The following CRIM1 variants were observed in gnomAD, a reference collection of about 807,000 sequenced individuals.
CRIM1 encodes the protein cysteine-rich motor neuron 1 protein.
A neutral mutation model predicts 116.4 loss-of-function variants in CRIM1; 32 were observed. The observed-to-expected ratio is 0.27, with a 90% CI of 0.21 to 0.37. The LOEUF is 0.37. CRIM1 is among the 10% of genes least tolerant of loss of function. CRIM1 has a pLI of 1.00. For missense variants in CRIM1, 1,331 were observed against 1,354.8 expected (o/e 0.98, Z 0.28); for synonymous variants, 590 against 509.2 (o/e 1.16, Z -2.13).
intron 2 of CRIM1, among the ~76,000 whole-genome samples, chr2:36,433,298 C>G (rs1675040960): frequency 6.6e-6 from 1 of 152,196 alleles, no homozygotes; most frequent in African/African-American, 2.4e-5. Context: ...AATCTCTAAT[C>G]TAAAGCATCA....
intron 5 of CRIM1, among the ~76,000 whole-genome samples, chr2:36,474,411 A>T (rs1047947896): frequency 1.3e-5 from 2 of 152,188 alleles, no homozygotes; most frequent in Non-Finnish European, 2.9e-5. Flanking sequence ...GGCCACAAAG[A>T]TTAACTCTTA....
rs979651201 is a variant in CRIM1 at position 36,549,322 on chromosome 2, T to C, written c.*621T>C. ...CAGTGAGGAAGCCAGAGAAATGCGA[T>C]AGCGGCATTTCTCTAAAGCGGGTTA... On this transcript the variant is annotated 3_prime_UTR_variant, in exon 17 of 17. Transcript: ENST00000280527. 6.5e-6 allele frequency: 1 copy of C among 152,680 alleles called. No individual in the cohort carries two copies. Among genetic ancestry groups the C allele is most frequent in the Non-Finnish European group, 1.5e-5 (1 of 68,060 alleles). 9.5% of individuals were successfully genotyped at this position (152,680 alleles called of 1,614,324 possible).
chr2:36,503,453 G>A (rs1006375120), intron 8 of CRIM1, among the ~76,000 whole-genome samples: 4 of 152,152 alleles, frequency 2.6e-5, no homozygotes, highest in Non-Finnish European at 5.9e-5. Flanking sequence ...TATGGCCGTT[G>A]CTTACTCTGC....
chr2:36,488,914 T>C (rs1680030954), intron 7 of CRIM1, among the ~76,000 whole-genome samples: 1 of 152,188 alleles, frequency 6.6e-6, no homozygotes, highest in Admixed American at 6.5e-5. Flanking sequence ...TCACATTGGC[T>C]GCCGGAGCAA....
chr2:36,501,517 G>A (rs1680992249), intron 8 of CRIM1, among the ~76,000 whole-genome samples: 1 of 151,728 alleles, frequency 6.6e-6, no homozygotes, highest in Non-Finnish European at 1.5e-5. Flanking sequence ...TCAGGAGTTC[G>A]AAACCAGCCT....
intron 11 of CRIM1, among the ~76,000 whole-genome samples, chr2:36,516,661 C>G (rs1202742565): frequency 6.6e-6 from 1 of 152,194 alleles, no homozygotes; most frequent in Admixed American, 6.5e-5. Context: ...CATTCCTGCT[C>G]AGTTTGCTGG....
intron 4 of CRIM1, among the ~76,000 whole-genome samples, chr2:36,444,901 C>T (rs1464538650): frequency 1.3e-5 from 2 of 152,214 alleles, no homozygotes; most frequent in African/African-American, 2.4e-5. Flanking sequence ...TGTCACTCTT[C>T]GGCCCCTGAA....
chr2:36,456,294 T>A (rs575843621), intron 4 of CRIM1, among the ~76,000 whole-genome samples: 1 of 152,302 alleles, frequency 6.6e-6, no homozygotes, highest in South Asian at 2.1e-4. Flanking sequence ...CTGCTGCATG[T>A]ACACACTCGG....
chr2:36,442,543 G>A (rs1208513250), intron 3 of CRIM1, 72 bp from the exon 4 acceptor site: 1 of 1,579,272 alleles, frequency 6.3e-7, no homozygotes, highest in Non-Finnish European at 8.7e-7. Flanking sequence ...TCAAGAGCTA[G>A]TATTTCATTT....
intron 13 of CRIM1, among the ~76,000 whole-genome samples, chr2:36,525,409 G>A (rs1479451289): frequency 1.3e-5 from 2 of 152,054 alleles, no homozygotes; most frequent in African/African-American, 4.8e-5. Context: ...CCTATATAAG[G>A]GTGCCAAGCC....
chr2:36,407,450 G>A (rs1672896213), intron 2 of CRIM1, among the ~76,000 whole-genome samples: 1 of 152,036 alleles, frequency 6.6e-6, no homozygotes, highest in Non-Finnish European at 1.5e-5. Flanking sequence ...ACAAATTTTG[G>A]GGAGAATTGT....
chr2:36,446,904 G>A (rs1013889586), intron 4 of CRIM1, among the ~76,000 whole-genome samples: 1 of 152,194 alleles, frequency 6.6e-6, no homozygotes, highest in Non-Finnish European at 1.5e-5. Flanking sequence ...CTGCATGTGT[G>A]TGCATGTACA....
chr2:36,461,179 G>A (rs1295668323), intron 4 of CRIM1, among the ~76,000 whole-genome samples: 1 of 152,188 alleles, frequency 6.6e-6, no homozygotes, highest in Non-Finnish European at 1.5e-5. Context: ...TGGTTTGGGA[G>A]AGACAGAGAC....
intron 8 of CRIM1, among the ~76,000 whole-genome samples, chr2:36,502,391 T>C (rs559547475): frequency 7.9e-5 from 12 of 152,344 alleles, no homozygotes; most frequent in Admixed American, 6.5e-4. Flanking sequence ...CATCAGCATG[T>C]GCTACCTGAG....
At chr2:36,510,894 A>T (rs1664626162) in intron 9 of CRIM1, among the ~76,000 whole-genome samples, 2 of 129,536 alleles carry the variant, frequency 1.5e-5, no homozygotes, top group African/African-American at 5.8e-5. Flanking sequence ...TTCCAATTTG[A>T]TATGTTTATG....
At position 36,543,000 on chromosome 2, in the gene CRIM1, C is replaced by T. The variant is rs1025870228; in HGVS notation, c.2624-1376C>T. ...CTGCACCTGCAAATGGTAATGTTTTCAGTAACTTCTATTTTTAATTCTCGA... is the reference window on the plus strand; with the variant it reads ...CTGCACCTGCAAATGGTAATGTTTTTAGTAACTTCTATTTTTAATTCTCGA... On this transcript the variant is annotated intron_variant, in intron 14 of 16. Transcript: ENST00000280527. Among the ~76,000 whole-genome samples the T allele has an allele frequency of 2.0e-5, 3 of 152,170 alleles. No individual in the cohort carries two copies. The South Asian group carries it at 6.2e-4, about 32-fold the overall frequency.
intron 2 of CRIM1, among the ~76,000 whole-genome samples, chr2:36,419,379 C>A (rs949565597): frequency 3.9e-5 from 6 of 152,140 alleles, no homozygotes; most frequent in Non-Finnish European, 8.8e-5. Flanking sequence ...AACTACAGCT[C>A]CTTGAAGTAC....
intron 1 of CRIM1, among the ~76,000 whole-genome samples, chr2:36,370,199 C>CTT (rs35408019): frequency 1.8e-4 from 23 of 127,646 alleles, no homozygotes; most frequent in African/African-American, 4.9e-4. Context: ...GGGACAAAAG[C>CTT]TTTTTTTTTT....
intron 2 of CRIM1, among the ~76,000 whole-genome samples, chr2:36,400,868 A>G (rs1672353565): frequency 6.6e-6 from 1 of 152,106 alleles, no homozygotes; most frequent in African/African-American, 2.4e-5. Flanking sequence ...GACCTGGCGA[A>G]TTTAGACTTG....
Sources: gnomAD v4.1 joint callset for allele counts (sites outside exome capture counted in the v4.1 genomes callset) on GRCh38, gnomAD v4.1.1 for gene constraint, MANE v1.5 for transcripts, NCBI Gene and HGNC (gene_info 2026-07-23, HGNC 2026-07-21) for gene names.